LIX1L: variants seen among roughly 807,000 people sequenced by gnomAD.
LIX1L encodes the protein LIX1-like protein.
Under a neutral mutation model 34.0 loss-of-function variants are expected in LIX1L, and 20 were observed. The observed-to-expected ratio is 0.59, with a 90% CI of 0.41 to 0.85. The LOEUF (loss-of-function observed/expected upper bound fraction) is 0.85, where lower values mean the gene tolerates loss of function less well. Among genes scored for constraint, LIX1L ranks in the 40% least tolerant of loss-of-function variants. The pLI, the probability that LIX1L is intolerant of heterozygous loss-of-function variation, is 0.00. For missense variants in LIX1L, 397 were observed against 447.0 expected (o/e 0.89, Z 1.01); for synonymous variants, 170 against 187.4 (o/e 0.91, Z 0.76).
rs1648711366 is a variant in LIX1L, at chr1:145,937,618, T to C, written c.679A>G (p.Met227Val). 3 of 1,611,810 alleles carry C rather than the reference T, an allele frequency of 1.9e-6. No individual in the cohort carries two copies. Among genetic ancestry groups the C allele is most frequent in the Non-Finnish European group, 2.5e-6 (3 of 1,178,032 alleles). The stretch of plus-strand genomic sequence containing the variant: ...TGGGAAAGTACCTGGAACTCCAACA[T>C]TGATTTGCCCTTGTTGGATTCCAGC... The part of the protein sequence containing the change: ...FMLESNKGKS[M>V]LEFQELMTVF... Residue 227 changes from methionine (M) to valine (V), a missense_variant, in exon 4 of 6, where the codon ATG becomes GTG. Met to Val is a conservative substitution (Grantham distance 21). This residue lies in a region of LIX1L where 174 missense variants were observed against 204.0 expected (regional missense o/e 0.85). Coordinates refer to ENST00000604000, the MANE Select transcript of LIX1L (RefSeq NM_153713.3).
At chr1:145,947,580 A>G (rs1553759374) in intron 2 of LIX1L, 39 bp downstream of exon 2, 1 of 1,605,516 alleles carries the variant, frequency 6.2e-7, no homozygotes, top group African/African-American at 1.3e-5. Flanking sequence ...ACTAACATCT[A>G]AGCATTTACC....
Position 145,957,678 on chromosome 1 carries a change from C to T in LIX1L, c.250G>A (p.Val84Met), listed in dbSNP as rs1165313520. The T allele has an allele frequency of 1.3e-6, 2 of 1,533,884 alleles. No homozygotes were observed. Among genetic ancestry groups the T allele is most frequent in the Non-Finnish European group, 1.7e-6 (2 of 1,146,368 alleles). Residue 84 changes from valine to methionine, a missense_variant, in exon 1 of 6, where the codon GTG becomes ATG. Physicochemically the swap from Val to Met is conservative, Grantham distance 21. This residue lies in a region of LIX1L where 207 missense variants were observed against 205.2 expected (regional missense o/e 1.01). Coordinates refer to ENST00000604000, the MANE Select transcript of LIX1L (RefSeq NM_153713.3). Reference sequence around the variant, plus strand: ...GTGTGCTTGGCGAAGCTCCTCACCACGGCCTCCACGGCCTCTCGCAGCACT... The same window carrying T: ...GTGTGCTTGGCGAAGCTCCTCACCATGGCCTCCACGGCCTCTCGCAGCACT... ...PAVLREAVEA[V>M]VRSFAKHTQG...
intron 2 of LIX1L, among the ~76,000 whole-genome samples, chr1:145,943,816 AT>A (rs1158903368): frequency 6.6e-6 from 1 of 151,820 alleles, no homozygotes; most frequent in African/African-American, 2.4e-5. Flanking sequence ...CAGGAGGATC[AT>A]TTGAGCCCAG....
intron 3 of LIX1L, among the ~76,000 whole-genome samples, chr1:145,941,560 A>G (rs1348671291): frequency 1.3e-5 from 2 of 151,826 alleles, no homozygotes; most frequent in African/African-American, 4.8e-5. Flanking sequence ...GCCTGTAATT[A>G]CATCTTAATT....
At chr1:145,940,254 C>T (rs1381507444) in intron 3 of LIX1L, among the ~76,000 whole-genome samples, 1 of 152,142 alleles carries the variant, frequency 6.6e-6, no homozygotes, top group African/African-American at 2.4e-5. Context: ...GCGTGAGCCA[C>T]CGCGCCAACA....
At chr1:145,946,498 G>A (rs1231312394) in intron 2 of LIX1L, among the ~76,000 whole-genome samples, 2 of 152,092 alleles carry the variant, frequency 1.3e-5, no homozygotes, top group African/African-American at 4.8e-5. Context: ...TGCCCGGCCT[G>A]AAATGACTGA....
rs1648659351 is a variant in LIX1L at position 145,936,699 on chromosome 1, C to G, written c.772-147G>C. On this transcript the variant is annotated intron_variant, in intron 5 of 5. Transcript: ENST00000604000. ...TTCAAGGAGATTCTTAAAGGCACTT[C>G]CTGCTACGGGAAGCAAGATAGACAA... The G allele has an allele frequency of 4.2e-6, 4 of 959,702 alleles. No individual in the cohort carries two copies. In the East Asian group the frequency reaches 9.7e-5, roughly 23 times the overall value. The allele number at this position is 959,702 out of a possible 1,614,324, so 59.4% of individuals were successfully genotyped here.
In LIX1L at chr1:145,942,772, G is replaced by A. The variant is rs1553758833; in HGVS notation, c.538C>T (p.Arg180Ter). ...MNSVFNEHPS[R>*]RITDEFIEKS... ...TCGATGAACTCATCAGTGATTCTTC[G>A]GGAAGGATGTTCATTAAACACAGAA... The change falls in exon 3 of 6, where the codon CGA (arginine) becomes TGA (stop). Residue 180 changes from arginine to a stop codon, truncating the protein, a stop_gained. Coordinates refer to ENST00000604000, the MANE Select transcript of LIX1L (RefSeq NM_153713.3). LOFTEE classifies it high-confidence loss of function. 3.1e-6 allele frequency: 5 copies of A among 1,613,962 alleles called. No individual in the cohort carries two copies. The highest frequency in any genetic ancestry group is 4.2e-6 in the Non-Finnish European group (5 of 1,179,978).
chr1:145,952,153 C>T (rs1288634687), intron 1 of LIX1L, among the ~76,000 whole-genome samples: 4 of 152,120 alleles, frequency 2.6e-5, no homozygotes, highest in African/African-American at 4.8e-5. Context: ...TCTAGATTTC[C>T]GGGGGCCAAT....
intron 3 of LIX1L, among the ~76,000 whole-genome samples, chr1:145,940,327 C>CT (rs1237806161): frequency 6.7e-6 from 1 of 148,994 alleles, no homozygotes; most frequent in Non-Finnish European, 1.5e-5. Flanking sequence ...TCCACAGTTT[C>CT]TTTTTTTTTC....
chr1:145,940,943 C>A (rs1648892309), intron 3 of LIX1L, among the ~76,000 whole-genome samples: 1 of 152,054 alleles, frequency 6.6e-6, no homozygotes, highest in South Asian at 2.1e-4. Flanking sequence ...GCATCCACCC[C>A]ACAATGTGCT....
At chr1:145,944,736 C>T (rs1211314387) in intron 2 of LIX1L, 1 of 152,186 alleles carries the variant, frequency 6.6e-6, no homozygotes, top group African/African-American at 2.4e-5. Flanking sequence ...AGTTATTGCA[C>T]CCTGCCCCTG....
chr1:145,957,657 G>A lies in LIX1L; in HGVS notation c.271C>T (p.His91Tyr). The change falls in exon 1 of 6, where the codon CAC becomes TAC. Residue 91 changes from histidine to tyrosine, a missense_variant. His to Tyr is a moderately conservative substitution (Grantham distance 83). Around this residue, in one of 3 missense-constraint regions of LIX1L, gnomAD observed 207 missense variants for 205.2 expected, o/e 1.01. Coordinates refer to ENST00000604000, the MANE Select transcript of LIX1L (RefSeq NM_153713.3). ...VEAVVRSFAK[H>Y]TQGYGRVNVV... ...TCACCTCGGCCATAGCCCTGCGTGTGCTTGGCGAAGCTCCTCACCACGGCC... is the reference window on the plus strand; with the variant it reads ...TCACCTCGGCCATAGCCCTGCGTGTACTTGGCGAAGCTCCTCACCACGGCC... 6.5e-7 allele frequency: 1 copy of A among 1,541,860 alleles called. No homozygotes were observed. Among genetic ancestry groups the A allele is most frequent in the East Asian group, 2.7e-5 (1 of 37,078 alleles).
intron 3 of LIX1L, 143 bp from the exon 4 acceptor site, chr1:145,937,842 G>A (rs1648720272): frequency 4.9e-6 from 3 of 614,442 alleles, no homozygotes; most frequent in Non-Finnish European, 9.0e-6. Flanking sequence ...AAATAAAGAG[G>A]TAAGTCCAGG....
At chr1:145,952,550 A>G (rs941083868) in intron 1 of LIX1L, among the ~76,000 whole-genome samples, 1 of 152,210 alleles carries the variant, frequency 6.6e-6, no homozygotes, top group Non-Finnish European at 1.5e-5. Context: ...GAGATAAAAT[A>G]TACGAATGTC....
chr1:145,957,589 C>G, intron 1 of LIX1L, 47 bp downstream of exon 1: 1 of 1,429,052 alleles, frequency 7.0e-7, no homozygotes, highest in South Asian at 1.5e-5. Flanking sequence ...GGGAGCAAGG[C>G]TCCCTTACAG....
intron 3 of LIX1L, among the ~76,000 whole-genome samples, chr1:145,938,917 T>C (rs1470414623): frequency 3.9e-5 from 6 of 152,034 alleles, no homozygotes; most frequent in African/African-American, 1.4e-4. Flanking sequence ...GTATTATAAG[T>C]ACTCTAGAGA....
rs1466668313 is a variant in LIX1L at position 145,947,470 on chromosome 1, G to C, written c.456+149C>G. 3.5e-5 allele frequency: 27 copies of C among 767,300 alleles called. No homozygotes were observed. The African/African-American group carries it at 4.5e-4, about 13-fold the overall frequency. The allele number at this position is 767,300 out of a possible 1,614,324, so 47.5% of individuals were successfully genotyped here. A position where few individuals can be genotyped will look rare whatever the true frequency, so the allele number is the denominator to read the frequency against. ...CTGAGGTTCTACTATGGTCAAATTG[G>C]CCTCAGATGCTTGCCAGAATAATTT... On this transcript the variant is annotated intron_variant, in intron 2 of 5. Transcript: ENST00000604000.
At chr1:145,955,970 T>A (rs1366267171) in intron 1 of LIX1L, among the ~76,000 whole-genome samples, 1 of 152,200 alleles carries the variant, frequency 6.6e-6, no homozygotes, top group Admixed American at 6.5e-5. Flanking sequence ...TAAATGCCTG[T>A]AAGTTGCCAA....
Sources: allele counts gnomAD v4.1 joint callset (sites outside exome capture counted in the v4.1 genomes callset), GRCh38; gene constraint gnomAD v4.1.1; regional missense constraint gnomAD v4.1.1; transcripts MANE v1.5; gene names NCBI Gene and HGNC (gene_info 2026-07-23, HGNC 2026-07-21).